MAP7: variants seen among roughly 807,000 people sequenced by gnomAD.
The protein encoded by MAP7 is microtubule associated protein 7.
A neutral mutation model predicts 94.8 loss-of-function variants in MAP7; 52 were observed. The ratio of observed to expected loss-of-function variants is 0.55; its 90% CI spans 0.44 to 0.69. The LOEUF is 0.69. Among genes scored for constraint, MAP7 ranks in the 30% least tolerant of loss-of-function variants. The probability of loss-of-function intolerance (pLI) is 0.00; values close to 1 mark genes in which losing one functional copy is unlikely to be tolerated. For missense variants in MAP7, 940 were observed against 964.6 expected, an observed-to-expected ratio of 0.97 and a Z score of 0.34; for synonymous variants, 350 against 357.0, an observed-to-expected ratio of 0.98 and a Z score of 0.22.
At chr6:136,526,665 G>A in intron 1 of MAP7, 2 of 985,534 alleles carry the variant, frequency 2.0e-6, no homozygotes, top group Non-Finnish European at 2.4e-6. Context: ...CAGGATGGGA[G>A]GAGAAAGAGT....
chr6:136,455,982 CCT>C (rs974238240), intron 1 of MAP7, among the ~76,000 whole-genome samples: 3 of 152,104 alleles, frequency 2.0e-5, no homozygotes, highest in Admixed American at 6.5e-5. Flanking sequence ...CTAAACAACC[CCT>C]GTTTATTATA....
At position 136,387,017 on chromosome 6, in the gene MAP7, G is replaced by T. The variant is rs538838044; in HGVS notation, c.526+1376C>A. 3.9e-5 allele frequency among the ~76,000 whole-genome samples: 6 copies of T among 152,162 alleles called. No individual in the cohort carries two copies. In the South Asian group the frequency reaches 1.2e-3, roughly 32 times the overall value. On this transcript the variant is annotated intron_variant, in intron 5 of 17. Transcript: ENST00000354570. Reference sequence around the variant, plus strand: ...TTTTTGTAGAGATGGGGTCTATGTTGCCCAGGCTGGTCTTGAACTCCTGGC... The same window carrying T: ...TTTTTGTAGAGATGGGGTCTATGTTTCCCAGGCTGGTCTTGAACTCCTGGC...
At chr6:136,367,448 G>C (rs1582693009) in intron 8 of MAP7, among the ~76,000 whole-genome samples, 1 of 152,126 alleles carries the variant, frequency 6.6e-6, no homozygotes, top group Admixed American at 6.6e-5. Context: ...CTCCTTTTCT[G>C]CCTGGCTCAA....
At chr6:136,432,186 T>C (rs1795123258) in intron 1 of MAP7, among the ~76,000 whole-genome samples, 2 of 152,286 alleles carry the variant, frequency 1.3e-5, no homozygotes, top group South Asian at 4.2e-4. Context: ...TAAGAAATTC[T>C]GTACTCATAA....
chr6:136,372,955 T>C (rs1303459886), intron 7 of MAP7, among the ~76,000 whole-genome samples: 1 of 152,244 alleles, frequency 6.6e-6, no homozygotes, highest in African/African-American at 2.4e-5. Context: ...AATGGTCTTA[T>C]ATTCCTATTA....
At chr6:136,443,448 A>AT (rs1798434025) in intron 1 of MAP7, among the ~76,000 whole-genome samples, 3 of 107,798 alleles carry the variant, frequency 2.8e-5, no homozygotes, top group African/African-American at 1.0e-4. Context: ...TTCCCCTTCT[A>AT]CTTTTTTTTT....
At chr6:136,410,579 C>T (rs1423721635) in intron 3 of MAP7, among the ~76,000 whole-genome samples, 2 of 152,192 alleles carry the variant, frequency 1.3e-5, no homozygotes, top group African/African-American at 4.8e-5. Flanking sequence ...TTCCAGTAAG[C>T]AAATGAAATC....
intron 2 of MAP7, 21 bp from the exon 3 acceptor site, chr6:136,411,718 A>G (rs1787543545): frequency 4.5e-6 from 7 of 1,544,752 alleles, no homozygotes; most frequent in Non-Finnish European, 6.1e-6. Context: ...GATTAAAAAA[A>G]ACATGAGATG....
intron 1 of MAP7, among the ~76,000 whole-genome samples, chr6:136,533,900 T>C (rs1828679073): frequency 6.6e-6 from 1 of 152,168 alleles, no homozygotes. Context: ...TGAAACCATA[T>C]CTAAACCGTA....
chr6:136,437,734 T>G (rs1796752650), intron 1 of MAP7, among the ~76,000 whole-genome samples: 1 of 152,180 alleles, frequency 6.6e-6, no homozygotes, highest in Non-Finnish European at 1.5e-5. Context: ...TTTAAAAGTT[T>G]GCCAATTCTT....
At chr6:136,365,473 G>T (rs531878037) in intron 10 of MAP7, among the ~76,000 whole-genome samples, 1 of 152,264 alleles carries the variant, frequency 6.6e-6, no homozygotes, top group South Asian at 2.1e-4. Context: ...AAGCACACAG[G>T]CTACGCCAGG....
Position 136,411,671 on chromosome 6 carries a change from C to A in MAP7, c.193G>T (p.Asp65Tyr). Residue 65 changes from aspartate (D) to tyrosine (Y), a missense_variant, in exon 3 of 18, where the codon GAC becomes TAC. Asp to Tyr is a radical substitution (Grantham distance 160, BLOSUM62 -3). Transcript: ENST00000354570. ...PDPPPVLRVDDRQRLARERRE... is the reference protein window; with the variant it reads ...PDPPPVLRVDYRQRLARERRE... ...CGCTCCCGGGCCAGCCGCTGCCGGT[C>A]ATCAACACGTAACACAGGCGGAGGG... 1.9e-6 allele frequency: 3 copies of A among 1,567,322 alleles called. No homozygotes were observed. The South Asian group carries it at 3.5e-5, about 18-fold the overall frequency.
intron 1 of MAP7, among the ~76,000 whole-genome samples, chr6:136,478,844 C>T (rs1296032168): frequency 6.6e-6 from 1 of 151,620 alleles, no homozygotes; most frequent in South Asian, 2.1e-4. Context: ...CATGGCTTTA[C>T]TGCTGAATTT....
chr6:136,436,992 T>C lies in MAP7; in HGVS notation c.68-15193A>G, dbSNP rs145973407. Among the ~76,000 whole-genome samples, 596 of 152,318 alleles carry C rather than the reference T, an allele frequency of 3.9e-3. 4 individuals are homozygous for C. Among genetic ancestry groups the C allele is most frequent in the African/African-American group, 0.014 (573 of 41,556 alleles). ...GTCACTAGCAGTTTGAGTTCTAATA[T>C]AGCATCTGTGCAGAGTCCACAAAGC... On this transcript the variant is annotated intron_variant, in intron 1 of 17. Transcript: ENST00000354570.
intron 8 of MAP7, among the ~76,000 whole-genome samples, chr6:136,370,571 C>T (rs575762153): frequency 6.6e-6 from 1 of 152,234 alleles, no homozygotes; most frequent in East Asian, 1.9e-4. Flanking sequence ...GAATATAATT[C>T]AGCCCTAAAA....
chr6:136,399,605 T>C (rs1027614692), intron 3 of MAP7, among the ~76,000 whole-genome samples: 3 of 152,078 alleles, frequency 2.0e-5, no homozygotes, highest in Admixed American at 1.3e-4. Flanking sequence ...CCTCCTGCCT[T>C]GGCCTCCCAA....
chr6:136,500,448 A>C (rs904656392), intron 1 of MAP7, among the ~76,000 whole-genome samples: 1 of 152,220 alleles, frequency 6.6e-6, no homozygotes, highest in African/African-American at 2.4e-5. Context: ...CTGTACACTT[A>C]TGGAGGATCT....
chr6:136,530,466 C>T (rs1211433794), intron 1 of MAP7, among the ~76,000 whole-genome samples: 2 of 152,118 alleles, frequency 1.3e-5, no homozygotes, highest in Admixed American at 6.5e-5. Context: ...GGAGTTTTAA[C>T]AATATTTTTA....
chr6:136,481,133 G>A (rs1227429302), intron 1 of MAP7, among the ~76,000 whole-genome samples: 4 of 152,190 alleles, frequency 2.6e-5, no homozygotes, highest in African/African-American at 9.7e-5. Context: ...ATGCTGGTGA[G>A]GATGTAGAGA....
Sources: allele counts gnomAD v4.1 joint callset (sites outside exome capture counted in the v4.1 genomes callset), GRCh38; gene constraint gnomAD v4.1.1; transcripts MANE v1.5; gene names NCBI Gene and HGNC (gene_info 2026-07-23, HGNC 2026-07-21).